Variants in ARID4B observed in about 807,000 individuals in gnomAD.
The protein encoded by ARID4B is AT-rich interactive domain-containing protein 4B.
Under a neutral mutation model 147.5 loss-of-function variants are expected in ARID4B, and 26 were observed. That is an observed-to-expected ratio of 0.18 (90% CI 0.13 to 0.24). The LOEUF (loss-of-function observed/expected upper bound fraction) is 0.24, where lower values mean the gene tolerates loss of function less well. ARID4B is among the 10% of genes least tolerant of loss of function. The pLI, the probability that ARID4B is intolerant of heterozygous loss-of-function variation, is 1.00. For synonymous variants in ARID4B, 512 were observed against 507.9 expected, an observed-to-expected ratio of 1.01 and a Z score of -0.11; for missense variants, 1,179 against 1,511.5, an observed-to-expected ratio of 0.78 and a Z score of 3.65.
At chr1:235,202,021 TATATATACACA>T (rs1213596350) in intron 17 of ARID4B, among the ~76,000 whole-genome samples, 11 of 150,522 alleles carry the variant, frequency 7.3e-5, no homozygotes, top group African/African-American at 2.7e-4. Flanking sequence ...AATATATACA[TATATATACACA>T]ATATATACAT....
intron 13 of ARID4B, 91 bp from the exon 14 acceptor site, chr1:235,221,753 A>G: frequency 1.8e-6 from 1 of 546,276 alleles, no homozygotes; most frequent in East Asian, 3.1e-5. Flanking sequence ...GTATATTTTT[A>G]TATTTATTGG....
intron 2 of ARID4B, among the ~76,000 whole-genome samples, chr1:235,261,771 A>G (rs1179270128): frequency 6.6e-6 from 1 of 152,166 alleles, no homozygotes; most frequent in African/African-American, 2.4e-5. Flanking sequence ...ATTCAGGTAC[A>G]TTTCTACATT....
chr1:235,229,040 A>G (rs1324293728), intron 11 of ARID4B, 191 bp downstream of exon 11: 3 of 628,526 alleles, frequency 4.8e-6, no homozygotes, highest in African/African-American at 1.9e-5. Flanking sequence ...AATATTTTCT[A>G]TTTCACAAGA....
intron 11 of ARID4B, among the ~76,000 whole-genome samples, chr1:235,227,214 G>GGGA (rs1182101023): frequency 9.9e-5 from 15 of 152,168 alleles, no homozygotes; most frequent in African/African-American, 2.9e-4. Flanking sequence ...AAGTTCAAGG[G>GGGA]GGAGGACACA....
intron 21 of ARID4B, among the ~76,000 whole-genome samples, chr1:235,176,291 G>A (rs570074894): frequency 6.6e-6 from 1 of 151,628 alleles, no homozygotes; most frequent in South Asian, 2.1e-4. Flanking sequence ...GCTCTCTTAG[G>A]AAATGTCATT....
At chr1:235,173,742 TAAAAAA>T (rs755815257) in intron 22 of ARID4B, among the ~76,000 whole-genome samples, 3 of 26,252 alleles carry the variant, frequency 1.1e-4, no homozygotes, top group African/African-American at 3.0e-4. Context: ...CGTCTCTATT[TAAAAAA>T]AAAAAAAAAA....
intron 9 of ARID4B, among the ~76,000 whole-genome samples, chr1:235,232,335 G>A (rs1425947657): frequency 6.6e-6 from 1 of 151,980 alleles, no homozygotes; most frequent in Non-Finnish European, 1.5e-5. Context: ...CAGGAGAATC[G>A]CTTGAACCTG....
chr1:235,297,404 C>G (rs8179454), intron 2 of ARID4B, among the ~76,000 whole-genome samples: 70,715 of 151,880 alleles, frequency 0.47, 16,783 homozygotes, highest in South Asian at 0.6. Flanking sequence ...TTTATAGCCT[C>G]CACTTCTAGA....
At chr1:235,242,782 A>C (rs1669072626) in intron 7 of ARID4B, among the ~76,000 whole-genome samples, 1 of 152,170 alleles carries the variant, frequency 6.6e-6, no homozygotes, top group Admixed American at 6.5e-5. Flanking sequence ...TGAAACATCT[A>C]TCCACCTTAC....
intron 19 of ARID4B, among the ~76,000 whole-genome samples, chr1:235,190,606 T>C (rs1665027539): frequency 6.6e-6 from 1 of 152,110 alleles, no homozygotes; most frequent in Non-Finnish European, 1.5e-5. Flanking sequence ...AATAAAATAC[T>C]GAAGGAAAAA....
chr1:235,178,185 T>C (rs776100490), intron 20 of ARID4B, among the ~76,000 whole-genome samples: 13 of 152,146 alleles, frequency 8.5e-5, no homozygotes, highest in Non-Finnish European at 1.5e-4. Flanking sequence ...AAAATAGTCC[T>C]TAATATAGTA....
intron 12 of ARID4B, 152 bp downstream of exon 12, chr1:235,224,551 C>T (rs979594775): frequency 9.6e-6 from 6 of 628,126 alleles, no homozygotes; most frequent in South Asian, 1.9e-5. Context: ...ACGTGACAGG[C>T]GCTATGCTAG....
chr1:235,168,699 C>G, intron 23 of ARID4B, 47 bp from the exon 24 acceptor site: 1 of 1,581,390 alleles, frequency 6.3e-7, no homozygotes. Context: ...AAATTTATGT[C>G]TAACAATAGA....
chr1:235,177,973 T>C (rs997860833), intron 20 of ARID4B, 60 bp from the exon 21 acceptor site: 1 of 944,400 alleles, frequency 1.1e-6, no homozygotes, highest in Non-Finnish European at 1.6e-6. Context: ...TAAGTATAAA[T>C]TAATTCCACA....
At chr1:235,196,853 C>CAAAAAAAAAAAA (rs34581094) in intron 17 of ARID4B, among the ~76,000 whole-genome samples, 8 of 88,430 alleles carry the variant, frequency 9.0e-5, no homozygotes, top group Admixed American at 1.4e-4. Context: ...CTCTGTTTCA[C>CAAAAAAAAAAAA]AAAAAAAAAA....
intron 2 of ARID4B, among the ~76,000 whole-genome samples, chr1:235,302,161 A>AAAAAAAAAAAAAAAAAAAAAAAAG (rs1673201324): frequency 7.0e-6 from 1 of 143,876 alleles, no homozygotes; most frequent in African/African-American, 2.6e-5. Context: ...CGGAAAAAAA[A>AAAAAAAAAAAAAAAAAAAAAAAAG]AAAAAAAAAA....
chr1:235,224,900 A>G lies in ARID4B; in HGVS notation c.898-125T>C, dbSNP rs1438359645. On this transcript the variant is annotated intron_variant, in intron 11 of 23. Transcript: ENST00000264183. ...ACTTCAAAGGCTTTTTACGTAATCA[A>G]AGTTACTCTTTTAACACTAAGCTGT... The G allele has an allele frequency of 4.4e-5, 29 of 660,406 alleles. No homozygotes were observed. In the East Asian group the frequency reaches 7.6e-4, roughly 17 times the overall value. 40.9% of individuals were successfully genotyped at this position (660,406 alleles called of 1,614,324 possible).
At chr1:235,199,767 C>T (rs1665759315) in intron 17 of ARID4B, among the ~76,000 whole-genome samples, 1 of 152,162 alleles carries the variant, frequency 6.6e-6, no homozygotes, top group African/African-American at 2.4e-5. Flanking sequence ...AAGCTGAGAT[C>T]ACTGACACAA....
At chr1:235,298,595 TTA>T (rs1558291388) in intron 2 of ARID4B, among the ~76,000 whole-genome samples, 1 of 149,364 alleles carries the variant, frequency 6.7e-6, no homozygotes, top group African/African-American at 2.4e-5. Flanking sequence ...TAATGTATAT[TTA>T]TATATATCCA....
Sources: allele counts gnomAD v4.1 joint callset (sites outside exome capture counted in the v4.1 genomes callset), GRCh38; gene constraint gnomAD v4.1.1; transcripts MANE v1.5; gene names NCBI Gene and HGNC (gene_info 2026-07-23, HGNC 2026-07-21).